Variants in SMC1B observed in about 807,000 individuals in gnomAD.
SMC1B encodes the protein structural maintenance of chromosomes protein 1B.
In SMC1B, 60 loss-of-function variants were observed where a neutral mutation model predicts 157.9. That is an observed-to-expected ratio of 0.38 (90% confidence interval 0.31 to 0.47). SMC1B has a LOEUF of 0.47. SMC1B is among the 20% of genes least tolerant of loss of function. The pLI, the probability that SMC1B is intolerant of heterozygous loss-of-function variation, is 0.99. For synonymous variants in SMC1B, 445 were observed against 483.0 expected, an observed-to-expected ratio of 0.92 and a Z score of 1.03; for missense variants, 1,165 against 1,426.2, an observed-to-expected ratio of 0.82 and a Z score of 2.95.
intron 13 of SMC1B, among the ~76,000 whole-genome samples, chr22:45,371,953 G>C (rs972712445): frequency 2.0e-5 from 3 of 152,026 alleles, no homozygotes; most frequent in African/African-American, 7.3e-5. Context: ...TGAGGCAGGA[G>C]GATCACTTGA....
At chr22:45,351,332 T>C (rs1265550146) in intron 22 of SMC1B, among the ~76,000 whole-genome samples, 1 of 152,226 alleles carries the variant, frequency 6.6e-6, no homozygotes, top group South Asian at 2.1e-4. Flanking sequence ...CTAGTAAATA[T>C]CTGTTGACTA....
chr22:45,388,190 C>T (rs2087011698), intron 10 of SMC1B, among the ~76,000 whole-genome samples: 1 of 152,098 alleles, frequency 6.6e-6, no homozygotes, highest in Non-Finnish European at 1.5e-5. Flanking sequence ...TATGATCTCA[C>T]TTTTTAATAA....
chr22:45,372,060 G>T, intron 13 of SMC1B, 95 bp downstream of exon 13: 3 of 1,059,146 alleles, frequency 2.8e-6, no homozygotes, highest in Non-Finnish European at 3.9e-6. Flanking sequence ...AAAAAAAAAA[G>T]TATCTGAAAA....
intron 19 of SMC1B, among the ~76,000 whole-genome samples, chr22:45,357,972 G>A (rs991857889): frequency 6.6e-6 from 1 of 152,170 alleles, no homozygotes; most frequent in South Asian, 2.1e-4. Flanking sequence ...TCTCTAAGGA[G>A]GTGGGGGAGA....
chr22:45,347,707 G>C (rs1443606462), intron 23 of SMC1B, among the ~76,000 whole-genome samples: 1 of 152,150 alleles, frequency 6.6e-6, no homozygotes, highest in Non-Finnish European at 1.5e-5. Context: ...TCCCGCCTCA[G>C]CTTCTCAAAG....
chr22:45,352,538 G>A lies in SMC1B; in HGVS notation c.3338C>T (p.Ala1113Val), dbSNP rs1477824786. The A allele has an allele frequency of 6.2e-7, 1 of 1,614,040 alleles. No homozygotes were observed. The highest frequency in any genetic ancestry group is 2.2e-5 in the East Asian group (1 of 44,888). ...CATTGGCATAAACCGTTTGCCTGGGGCCACACAGTTATAGCTAATTCCCTC... is the reference window on the plus strand; with the variant it reads ...CATTGGCATAAACCGTTTGCCTGGGACCACACAGTTATAGCTAATTCCCTC... Reference protein sequence around the residue: ...YLEGISYNCVAPGKRFMPMDN... With the variant: ...YLEGISYNCVVPGKRFMPMDN... Residue 1113 changes from alanine to valine, a missense_variant, in exon 22 of 25, where the codon GCC (alanine) becomes GTC (valine). Ala to Val is a moderately conservative substitution (Grantham distance 64). Transcript: ENST00000357450.
In SMC1B at chr22:45,358,815, A is replaced by C; in HGVS notation, c.2863-20T>G. ...TCCCATCTGAAAAATATGTGAACACATACATTTGTTGATTAAGTTTGTTGT... is the reference window on the plus strand; with the variant it reads ...TCCCATCTGAAAAATATGTGAACACCTACATTTGTTGATTAAGTTTGTTGT... On this transcript the variant is annotated intron_variant, in intron 18 of 24. Coordinates refer to ENST00000357450, the MANE Select transcript of SMC1B (RefSeq NM_148674.5). The C allele has an allele frequency of 6.4e-7, 1 of 1,567,100 alleles. No individual in the cohort carries two copies. The highest frequency in any genetic ancestry group is 8.8e-7 in the Non-Finnish European group (1 of 1,140,336).
intron 10 of SMC1B, among the ~76,000 whole-genome samples, chr22:45,388,085 T>C (rs997499051): frequency 1.4e-4 from 21 of 151,136 alleles, no homozygotes; most frequent in African/African-American, 4.6e-4. Flanking sequence ...ACTTAAATGA[T>C]CAGGAAAGCC....
At chr22:45,368,327 C>T (rs563396916) in intron 15 of SMC1B, among the ~76,000 whole-genome samples, 1 of 151,968 alleles carries the variant, frequency 6.6e-6, no homozygotes, top group Admixed American at 6.6e-5. Context: ...TGATATAAAG[C>T]CCACTAGATA....
chr22:45,353,405 A>T (rs543880775), intron 21 of SMC1B, among the ~76,000 whole-genome samples: 13 of 152,328 alleles, frequency 8.5e-5, no homozygotes, highest in African/African-American at 3.1e-4. Context: ...AGAAAATGAG[A>T]AAACAAAAGC....
chr22:45,371,662 T>C, intron 13 of SMC1B, 75 bp from the exon 14 acceptor site: 2 of 1,485,832 alleles, frequency 1.3e-6, no homozygotes, highest in East Asian at 4.9e-5. Flanking sequence ...ATGTGATAGG[T>C]ATCTTTTGGA....
chr22:45,386,816 T>C, intron 11 of SMC1B, 51 bp downstream of exon 11: 1 of 1,521,682 alleles, frequency 6.6e-7, no homozygotes, highest in Non-Finnish European at 9.0e-7. Flanking sequence ...GCTAGTCTTA[T>C]AAATACTACT....
chr22:45,390,351 T>C (rs933859079), intron 9 of SMC1B, among the ~76,000 whole-genome samples: 24 of 152,254 alleles, frequency 1.6e-4, no homozygotes, highest in African/African-American at 5.8e-4. Context: ...AAAATGGAGC[T>C]AGACACTGAC....
intron 15 of SMC1B, among the ~76,000 whole-genome samples, chr22:45,368,572 C>T (rs1184948207): frequency 6.7e-6 from 1 of 149,562 alleles, no homozygotes; most frequent in Non-Finnish European, 1.5e-5. Context: ...GGCTGGAGTG[C>T]ACTGGCATGA....
rs1386194702 is a variant in SMC1B at position 45,353,915 on chromosome 22, AAAAAAC to A, written c.3273+57_3273+62del. The A allele has an allele frequency of 2.1e-3, 1,694 of 810,920 alleles. 77 individuals carry two copies. The highest frequency in any genetic ancestry group is 3.0e-3 in the Middle Eastern group (9 of 3,010). 50.2% of individuals were successfully genotyped at this position (810,920 alleles called of 1,614,324 possible). A position where few individuals can be genotyped will look rare whatever the true frequency, so the allele number is the denominator to read the frequency against. On this transcript the variant is annotated intron_variant, in intron 21 of 24. Coordinates refer to ENST00000357450, the MANE Select transcript of SMC1B (RefSeq NM_148674.5). ...CACCAAAAAAAAAAAAAAAAAAAAA[AAAAAAC>A]AACCACCACCGGTAACACAGAATTC... is the stretch of plus-strand genomic sequence containing the variant.
At chr22:45,356,177 T>G (rs900521756) in intron 19 of SMC1B, among the ~76,000 whole-genome samples, 1 of 152,054 alleles carries the variant, frequency 6.6e-6, no homozygotes, top group South Asian at 2.1e-4. Context: ...TTTTTTGTAA[T>G]GCAGCACATG....
chr22:45,358,954 C>A (rs1030722073), intron 18 of SMC1B, among the ~76,000 whole-genome samples, 159 bp from the exon 19 acceptor site: 1 of 152,000 alleles, frequency 6.6e-6, no homozygotes, highest in African/African-American at 2.4e-5. Flanking sequence ...TGAAAGATTT[C>A]GAGAATTATC....
chr22:45,352,368 GAC>G, intron 22 of SMC1B, 81 bp downstream of exon 22: 1 of 1,261,944 alleles, frequency 7.9e-7, no homozygotes, highest in East Asian at 2.4e-5. Flanking sequence ...TATTAATAAA[GAC>G]AATAGTTAAT....
chr22:45,362,136 G>A, intron 16 of SMC1B, 152 bp from the exon 17 acceptor site: 1 of 684,410 alleles, frequency 1.5e-6, no homozygotes, highest in East Asian at 2.9e-5. Context: ...TGTGACTCAC[G>A]TTCTACACTT....
Sources: gnomAD v4.1 joint callset for allele counts (sites outside exome capture counted in the v4.1 genomes callset) on GRCh38, gnomAD v4.1.1 for gene constraint, MANE v1.5 for transcripts, NCBI Gene and HGNC (gene_info 2026-07-23, HGNC 2026-07-21) for gene names.